The following AKR1B15 variants were observed in gnomAD, a reference collection of about 807,000 sequenced individuals.
AKR1B15 encodes the protein estradiol 17-beta-dehydrogenase AKR1B15.
Under a neutral mutation model 38.5 loss-of-function variants are expected in AKR1B15, and 49 were observed. That is an observed-to-expected ratio of 1.27 (90% confidence interval 1.01 to 1.62). The LOEUF (loss-of-function observed/expected upper bound fraction) is 1.62, where lower values mean the gene tolerates loss of function less well. Ranked by LOEUF, AKR1B15 falls within the 40% of genes most tolerant of loss-of-function variation. The pLI, the probability that AKR1B15 is intolerant of heterozygous loss-of-function variation, is 0.00. For synonymous variants in AKR1B15, 137 were observed against 135.5 expected, an observed-to-expected ratio of 1.01 and a Z score of -0.08; for missense variants, 411 against 381.6, an observed-to-expected ratio of 1.08 and a Z score of -0.64.
At position 134,564,610 on chromosome 7, in the gene AKR1B15, C is replaced by T. The variant is rs1936737757; in HGVS notation, c.-10C>T. The T allele has an allele frequency of 1.4e-6, 1 of 695,808 alleles. No homozygotes were observed. Among genetic ancestry groups the T allele is most frequent in the Admixed American group, 2.0e-5 (1 of 49,348 alleles). 43.1% of individuals were successfully genotyped at this position (695,808 alleles called of 1,614,324 possible). A position where few individuals can be genotyped will look rare whatever the true frequency, so the allele number is the denominator to read the frequency against. On this transcript the variant is annotated 5_prime_UTR_variant, in exon 3 of 12. Transcript: ENST00000457545. ...TTGTTTCCTCTAGGATCGAGGCCAT[C>T]AAGCTACAGATGGTCTTACAAATGG...
At chr7:134,549,472 C>CTGAG (rs199948067) in intron 1 of AKR1B15, among the ~76,000 whole-genome samples, 44 of 152,182 alleles carry the variant, frequency 2.9e-4, no homozygotes, top group East Asian at 9.7e-4. Flanking sequence ...GTAATAAACT[C>CTGAG]TGAGTGAGTG....
chr7:134,568,231 A>C lies in AKR1B15; in HGVS notation c.224A>C (p.Tyr75Ser). 6.2e-7 allele frequency: 1 copy of C among 1,614,126 alleles called. No individual in the cohort carries two copies. Among genetic ancestry groups the C allele is most frequent in the Non-Finnish European group, 8.5e-7 (1 of 1,179,994 alleles). Residue 75 changes from tyrosine to serine, a missense_variant, in exon 4 of 12, where the codon TAT (tyrosine) becomes TCT (serine). This residue lies in a region of AKR1B15 where 254 missense variants were observed against 212.4 expected (regional missense o/e 1.20). Coordinates refer to ENST00000457545, the MANE Select transcript of AKR1B15 (RefSeq NM_001080538.3). ...DAEYRHIDCA[Y>S]FYENQHEVGE... ...GAATATCGCCACATTGACTGTGCCTATTTCTATGAGAATCAACATGAGGTG... is the reference window on the plus strand; with the variant it reads ...GAATATCGCCACATTGACTGTGCCTCTTTCTATGAGAATCAACATGAGGTG...
intron 6 of AKR1B15, chr7:134,573,643 T>A: frequency 1.4e-6 from 1 of 720,586 alleles, no homozygotes; most frequent in Non-Finnish European, 1.7e-6. Flanking sequence ...CAAGTTTTAA[T>A]ACGGGAAAAC....
At chr7:134,565,407 G>T in intron 3 of AKR1B15, 3 of 1,608,582 alleles carry the variant, frequency 1.9e-6, no homozygotes, top group Non-Finnish European at 2.5e-6. Flanking sequence ...CGAACCCTCT[G>T]GAAGGAACCA....
At chr7:134,555,653 T>A (rs892007409) in intron 1 of AKR1B15, among the ~76,000 whole-genome samples, 7 of 152,098 alleles carry the variant, frequency 4.6e-5, no homozygotes, top group African/African-American at 1.7e-4. Context: ...GTCTCTTTTG[T>A]AGTCGGTTTA....
intron 1 of AKR1B15, among the ~76,000 whole-genome samples, chr7:134,552,757 G>T (rs1794031291): frequency 6.6e-6 from 1 of 151,798 alleles, no homozygotes; most frequent in Non-Finnish European, 1.5e-5. Flanking sequence ...TATTCCTCTG[G>T]CCCCAAAAGT....
chr7:134,563,567 G>C (rs1440244164), intron 2 of AKR1B15, among the ~76,000 whole-genome samples: 1 of 152,162 alleles, frequency 6.6e-6, no homozygotes, highest in Non-Finnish European at 1.5e-5. Flanking sequence ...CAAACAAAAA[G>C]CAGTGAGAGG....
rs377704439 is a variant in AKR1B15, at chr7:134,576,462, C to T, written c.825+32C>T. The T allele has an allele frequency of 1.2e-4, 192 of 1,607,448 alleles. 1 individual carries two copies. In the Middle Eastern group the frequency reaches 9.6e-3, roughly 80 times the overall value. On this transcript the variant is annotated intron_variant, in intron 9 of 11. Transcript: ENST00000457545. ...TATTTTTATTTTTCTTGTTATCCAA[C>T]CACTCATGCTTCCAGTCTCATGTTT...
At chr7:134,555,891 T>C (rs1308036989) in intron 1 of AKR1B15, among the ~76,000 whole-genome samples, 1 of 152,182 alleles carries the variant, frequency 6.6e-6, no homozygotes, top group African/African-American at 2.4e-5. Context: ...TTTTCTGCCC[T>C]TACTGCATGT....
intron 2 of AKR1B15, among the ~76,000 whole-genome samples, chr7:134,558,422 T>C (rs78080787): frequency 0.04 from 6,105 of 152,250 alleles, 148 homozygotes; most frequent in South Asian, 0.074. Flanking sequence ...ATTGAAAACA[T>C]CATACCCAGA....
chr7:134,571,126 A>T (rs1189518325), intron 5 of AKR1B15, among the ~76,000 whole-genome samples: 1 of 152,122 alleles, frequency 6.6e-6, no homozygotes, highest in East Asian at 1.9e-4. Context: ...GGGGTGGGGG[A>T]GACAAATTTC....
At chr7:134,579,414 T>C in intron 11 of AKR1B15, 93 bp from the exon 12 acceptor site, 1 of 1,119,372 alleles carries the variant, frequency 8.9e-7, no homozygotes. Flanking sequence ...AGACCACAAA[T>C]ACCACAGAGT....
chr7:134,568,101 G>A, intron 3 of AKR1B15, 57 bp from the exon 4 acceptor site: 1 of 1,597,326 alleles, frequency 6.3e-7, no homozygotes, highest in Non-Finnish European at 8.5e-7. Context: ...AACATGGCAA[G>A]GTCTCATCTC....
chr7:134,569,472 G>A lies in AKR1B15; in HGVS notation c.378G>A (p.Lys126=), dbSNP rs1466145562. Residue 126 remains lysine, a synonymous_variant, in exon 5 of 12, where the codon AAG becomes AAA. Transcript: ENST00000457545. The stretch of plus-strand genomic sequence containing the variant: ...GGAAAGCCTTTGAGAAGACCCTCAA[G>A]GACCTGAAGCTGAGCTATCTGGACG... ...LVRKAFEKTL[K]DLKLSYLDVY... 6.2e-7 allele frequency: 1 copy of A among 1,614,072 alleles called. No homozygotes were observed. The highest frequency in any genetic ancestry group is 8.5e-7 in the Non-Finnish European group (1 of 1,179,974).
At chr7:134,555,185 C>T (rs111787613) in intron 1 of AKR1B15, among the ~76,000 whole-genome samples, 196 of 152,292 alleles carry the variant, frequency 1.3e-3, no homozygotes, top group African/African-American at 4.5e-3. Flanking sequence ...GTCTCTCCAA[C>T]GGGTACAAGA....
At chr7:134,557,874 C>T (rs1168137352) in intron 2 of AKR1B15, among the ~76,000 whole-genome samples, 1 of 152,194 alleles carries the variant, frequency 6.6e-6, no homozygotes, top group Admixed American at 6.5e-5. Flanking sequence ...GGCATTCTCT[C>T]TATAACTCAG....
At chr7:134,549,542 A>G (rs1425572261) in intron 1 of AKR1B15, among the ~76,000 whole-genome samples, 6 of 152,180 alleles carry the variant, frequency 3.9e-5, no homozygotes, top group African/African-American at 1.2e-4. Flanking sequence ...TTGTAGCTCC[A>G]GGGTGAAAGC....
chr7:134,562,635 T>C (rs1399087856), intron 2 of AKR1B15, among the ~76,000 whole-genome samples: 2 of 152,074 alleles, frequency 1.3e-5, no homozygotes, highest in African/African-American at 4.8e-5. Context: ...TGGTGCATCT[T>C]ACAATCCTCT....
chr7:134,556,052 G>A (rs1794183960), intron 1 of AKR1B15, among the ~76,000 whole-genome samples: 1 of 152,156 alleles, frequency 6.6e-6, no homozygotes. Flanking sequence ...TGGTATTACA[G>A]CATGTCATAG....
Sources: allele counts gnomAD v4.1 joint callset (sites outside exome capture counted in the v4.1 genomes callset), GRCh38; gene constraint gnomAD v4.1.1; regional missense constraint gnomAD v4.1.1; transcripts MANE v1.5; gene names NCBI Gene and HGNC (gene_info 2026-07-23, HGNC 2026-07-21).